PGCKA1: variants seen among roughly 807,000 people sequenced by gnomAD.
The protein encoded by PGCKA1 is PDCD10 and GCKIII kinases-associated protein 1.
At chr4:37,512,946 G>A in the PGCKA1 span, among the ~76,000 whole-genome samples, 4 of 151,984 alleles carry the variant, frequency 2.6e-5, no homozygotes, top group East Asian at 1.9e-4. Context: ...AAATCAGCTG[G>A]GCGTAGTGGC....
the PGCKA1 span, among the ~76,000 whole-genome samples, chr4:37,542,720 G>A: frequency 6.6e-6 from 1 of 152,170 alleles, no homozygotes. Flanking sequence ...TATGTCGTTA[G>A]TATTTACCAT....
chr4:37,499,280 G>GT, the PGCKA1 span, among the ~76,000 whole-genome samples: 14 of 151,492 alleles, frequency 9.2e-5, no homozygotes, highest in East Asian at 3.9e-4. Flanking sequence ...TTGGCCTGAA[G>GT]TTTTTTTTTG....
At chr4:37,527,876 A>G in the PGCKA1 span, among the ~76,000 whole-genome samples, 2 of 152,028 alleles carry the variant, frequency 1.3e-5, no homozygotes, top group Admixed American at 1.3e-4. Context: ...AGTATTCAGT[A>G]CAGTAACGCA....
At chr4:37,545,254 G>T in the PGCKA1 span, among the ~76,000 whole-genome samples, 1 of 152,134 alleles carries the variant, frequency 6.6e-6, no homozygotes, top group Non-Finnish European at 1.5e-5. Flanking sequence ...GGAGCAGGCT[G>T]CAGTCCCCAA....
At chr4:37,559,509 G>C in the PGCKA1 span, among the ~76,000 whole-genome samples, 2 of 151,316 alleles carry the variant, frequency 1.3e-5, no homozygotes, top group African/African-American at 2.4e-5. Flanking sequence ...ACAAGTTAAT[G>C]GGTGCAGCAC....
the PGCKA1 span, among the ~76,000 whole-genome samples, chr4:37,486,790 T>G: frequency 6.6e-6 from 1 of 152,146 alleles, no homozygotes; most frequent in African/African-American, 2.4e-5. Flanking sequence ...AACATACACA[T>G]GCACACACAT....
chr4:37,472,983 G>T, the PGCKA1 span, among the ~76,000 whole-genome samples: 1 of 152,164 alleles, frequency 6.6e-6, no homozygotes. Context: ...TCTGTGGAAG[G>T]TTACAGAATC....
the PGCKA1 span, among the ~76,000 whole-genome samples, chr4:37,568,369 C>G: frequency 6.6e-6 from 1 of 152,236 alleles, no homozygotes; most frequent in African/African-American, 2.4e-5. Flanking sequence ...CTGAAAACCA[C>G]TCTGCCCTCC....
the PGCKA1 span, among the ~76,000 whole-genome samples, chr4:37,592,920 A>G: frequency 1.3e-5 from 2 of 152,224 alleles, no homozygotes; most frequent in Admixed American, 1.3e-4. Context: ...GTATAATGTC[A>G]TTATTTGACT....
At chr4:37,546,418 C>G in the PGCKA1 span, among the ~76,000 whole-genome samples, 8 of 152,206 alleles carry the variant, frequency 5.3e-5, no homozygotes, top group African/African-American at 1.7e-4. Context: ...TTGTGAAACT[C>G]CCTGCTCTGT....
the PGCKA1 span, among the ~76,000 whole-genome samples, chr4:37,500,570 G>A: frequency 6.6e-6 from 1 of 152,224 alleles, no homozygotes; most frequent in African/African-American, 2.4e-5. Context: ...TGTGCCATGT[G>A]GCAATGAGAG....
the PGCKA1 span, among the ~76,000 whole-genome samples, chr4:37,459,799 CT>C: frequency 0.92 from 125,876 of 136,272 alleles, 58,637 homozygotes; most frequent in East Asian, 0.99. Flanking sequence ...AGCTTTCTTT[CT>C]TTTTTTTTTT....
At chr4:37,554,496 T>C in the PGCKA1 span, among the ~76,000 whole-genome samples, 4 of 152,104 alleles carry the variant, frequency 2.6e-5, no homozygotes, top group Non-Finnish European at 4.4e-5. Context: ...TACAGGCATG[T>C]GCCACCACGC....
chr4:37,458,111 A>G, the PGCKA1 span, among the ~76,000 whole-genome samples: 30 of 152,290 alleles, frequency 2.0e-4, no homozygotes, highest in Non-Finnish European at 5.9e-5. Context: ...ACTTGGTCTA[A>G]CCACCTTAAT....
At chr4:37,495,282 G>A in the PGCKA1 span, among the ~76,000 whole-genome samples, 212 of 152,288 alleles carry the variant, frequency 1.4e-3, 2 homozygotes, top group Middle Eastern at 6.8e-3. Flanking sequence ...TACACTGTTG[G>A]TGGGAGTGTA....
the PGCKA1 span, among the ~76,000 whole-genome samples, chr4:37,475,003 C>A: frequency 6.6e-6 from 1 of 152,036 alleles, no homozygotes; most frequent in Non-Finnish European, 1.5e-5. Flanking sequence ...AATACCAGGG[C>A]TTGATCATTT....
the PGCKA1 span, among the ~76,000 whole-genome samples, chr4:37,479,162 T>C: frequency 6.6e-6 from 1 of 152,228 alleles, no homozygotes; most frequent in Non-Finnish European, 1.5e-5. Context: ...CTTTCAAGTC[T>C]TTTCTGGGTT....
At chr4:37,585,028 C>G in the PGCKA1 span, among the ~76,000 whole-genome samples, 1 of 141,942 alleles carries the variant, frequency 7.0e-6, no homozygotes, top group Admixed American at 7.2e-5. Flanking sequence ...TTTTTTACTA[C>G]CTATCCTCCT....
the PGCKA1 span, among the ~76,000 whole-genome samples, chr4:37,579,023 A>G: frequency 6.6e-6 from 1 of 152,146 alleles, no homozygotes; most frequent in South Asian, 2.1e-4. Context: ...GCGCCATTGC[A>G]CTCCAGCCTG....
Sources: gnomAD v4.1 joint callset for allele counts (sites outside exome capture counted in the v4.1 genomes callset) on GRCh38, gnomAD v4.1.1 for gene constraint, MANE v1.5 for transcripts, NCBI Gene and HGNC (gene_info 2026-07-23, HGNC 2026-07-21) for gene names.